IFIH1: variants seen among roughly 807,000 people sequenced by gnomAD.
IFIH1 encodes the protein interferon induced with helicase C domain 1.
In IFIH1, 125 loss-of-function variants were observed where a neutral mutation model predicts 107.4. That is an observed-to-expected ratio of 1.16 (90% confidence interval 1.01 to 1.35). IFIH1 has a LOEUF of 1.35. Among genes scored for constraint, IFIH1 ranks in the 40% most tolerant of loss-of-function variants. The pLI is 0.00. For missense variants in IFIH1, 1,333 were observed against 1,213.7 expected (o/e 1.10, Z -1.46); for synonymous variants, 458 against 413.2 (o/e 1.11, Z -1.31).
chr2:162,289,932 C>T (rs926231081), intron 4 of IFIH1, among the ~76,000 whole-genome samples: 1 of 151,802 alleles, frequency 6.6e-6, no homozygotes, highest in African/African-American at 2.4e-5. Flanking sequence ...TTATGTAAGG[C>T]TCTGATTTAT....
intron 1 of IFIH1, among the ~76,000 whole-genome samples, chr2:162,312,618 G>A (rs1400716997): frequency 7.9e-5 from 12 of 152,152 alleles, no homozygotes; most frequent in East Asian, 1.9e-4. Flanking sequence ...AATTTCAAGT[G>A]AATTCAGTCC....
rs74162086 is a variant in IFIH1, at chr2:162,273,822, G to C, written c.2427C>G (p.Leu809=). ...GGACCATGGCTATTTCATTGGTGAC[G>C]AGACCATAACGGATAACAATGTTAC... The part of the protein sequence containing the change: ...KECNIVIRYG[L]VTNEIAMVQA... Residue 809 remains leucine (L), a synonymous_variant, in exon 12 of 16, where the codon CTC becomes CTG. Coordinates refer to ENST00000649979, the MANE Select transcript of IFIH1 (RefSeq NM_022168.4). 219 of 1,600,090 alleles carry C rather than the reference G, an allele frequency of 1.4e-4. No homozygotes were observed. Among genetic ancestry groups the C allele is most frequent in the Non-Finnish European group, 1.7e-4 (204 of 1,173,680 alleles).
intron 1 of IFIH1, among the ~76,000 whole-genome samples, chr2:162,314,424 CTTTCTTT>C (rs1683443974): frequency 1.6e-5 from 1 of 60,986 alleles, no homozygotes; most frequent in Non-Finnish European, 2.7e-5. Context: ...TCTTTTCTTT[CTTTCTTT>C]CTTTCTTTCT....
chr2:162,304,492 A>C (rs1193392113), intron 3 of IFIH1, among the ~76,000 whole-genome samples: 1 of 152,164 alleles, frequency 6.6e-6, no homozygotes, highest in African/African-American at 2.4e-5. Context: ...GAACCCCCAA[A>C]AAAAGAAAAA....
chr2:162,318,533 G>T lies in IFIH1; in HGVS notation c.-226C>A. 1 of 299,934 alleles carries T rather than the reference G, an allele frequency of 3.3e-6. No homozygotes were observed. Among genetic ancestry groups the T allele is most frequent in the Non-Finnish European group, 6.0e-6 (1 of 165,962 alleles). 18.6% of individuals were successfully genotyped at this position (299,934 alleles called of 1,614,324 possible). ...GCGGGCAGGTGGGCAGCGGGGCGGC[G>T]CGCGGGGCCGCGGCAGGCAGGTGCG... is the stretch of plus-strand genomic sequence containing the variant. On this transcript the variant is annotated 5_prime_UTR_variant, in exon 1 of 16. Transcript: ENST00000649979.
intron 11 of IFIH1, among the ~76,000 whole-genome samples, chr2:162,276,478 A>T (rs938872268): frequency 1.3e-5 from 2 of 152,000 alleles, no homozygotes; most frequent in African/African-American, 4.8e-5. Context: ...GGTGGTGCAC[A>T]CCTAGAGTCC....
At chr2:162,270,001 T>C (rs994314423) in intron 13 of IFIH1, among the ~76,000 whole-genome samples, 2 of 152,136 alleles carry the variant, frequency 1.3e-5, no homozygotes, top group East Asian at 3.8e-4. Context: ...TAGGATCACA[T>C]ACATGTGGGA....
intron 13 of IFIH1, among the ~76,000 whole-genome samples, chr2:162,270,200 C>T (rs999411094): frequency 6.6e-6 from 1 of 152,090 alleles, no homozygotes; most frequent in Non-Finnish European, 1.5e-5. Context: ...TACAATCAGC[C>T]TAAGTCCAAA....
intron 6 of IFIH1, among the ~76,000 whole-genome samples, 162 bp from the exon 7 acceptor site, chr2:162,281,707 C>T (rs1682813657): frequency 6.6e-6 from 1 of 151,966 alleles, no homozygotes; most frequent in South Asian, 2.1e-4. Context: ...ACTATACTAG[C>T]ACCTGTACAC....
intron 11 of IFIH1, among the ~76,000 whole-genome samples, chr2:162,275,864 C>T (rs1409426394): frequency 6.6e-6 from 1 of 152,112 alleles, no homozygotes; most frequent in Non-Finnish European, 1.5e-5. Flanking sequence ...CAAAGTAAAA[C>T]AAAACACCTT....
In IFIH1 at chr2:162,268,266, T is replaced by C. The variant is rs1333198429; in HGVS notation, c.2628A>G (p.Leu876=). ...TCTTTTCCATTATACTTTGCATCTG[T>C]AATTCCAAAATCTGGACAGAGAAAG... ...PEEYAHKILE[L]QMQSIMEKKM... Residue 876 remains leucine, a synonymous_variant, in exon 14 of 16, where the codon TTA becomes TTG. Transcript: ENST00000649979. The C allele has an allele frequency of 1.9e-6, 3 of 1,604,752 alleles. No homozygotes were observed. The highest frequency in any genetic ancestry group is 2.6e-6 in the Non-Finnish European group (3 of 1,173,538).
Position 162,317,912 on chromosome 2 carries a change from T to G in IFIH1, c.396A>C (p.Arg132Ser), listed in dbSNP as rs754290049. ...CCTCCATGCACTTATCCAAGACGTC[T>G]CTAACTAGAAGCTTGTCCACCAGAG... ...QPTLVDKLLV[R>S]DVLDKCMEEE... Residue 132 changes from arginine to serine, a missense_variant, in exon 1 of 16, where the codon AGA (arginine) becomes AGC (serine). Arg to Ser is a moderately radical substitution (Grantham distance 110). Transcript: ENST00000649979. 1.2e-6 allele frequency: 2 copies of G among 1,613,336 alleles called. No individual in the cohort carries two copies. The highest frequency in any genetic ancestry group is 1.7e-6 in the Non-Finnish European group (2 of 1,179,548).
intron 1 of IFIH1, among the ~76,000 whole-genome samples, chr2:162,312,611 T>C (rs2105232050): frequency 6.6e-6 from 1 of 152,322 alleles, no homozygotes. Flanking sequence ...CTCAGTAAAT[T>C]TCAAGTGAAT....
intron 3 of IFIH1, among the ~76,000 whole-genome samples, chr2:162,298,812 T>G (rs751445187): frequency 2.0e-5 from 3 of 149,626 alleles, no homozygotes; most frequent in Admixed American, 6.8e-5. Flanking sequence ...ACACACACAC[T>G]CACATTTTGG....
At chr2:162,284,910 A>G (rs1210832565) in intron 5 of IFIH1, among the ~76,000 whole-genome samples, 1 of 151,990 alleles carries the variant, frequency 6.6e-6, no homozygotes, top group Non-Finnish European at 1.5e-5. Flanking sequence ...AATTCTGCCC[A>G]TAAAAGGTGA....
Position 162,278,219 on chromosome 2 carries a change from T to A in IFIH1, c.1751A>T (p.Gln584Leu), listed in dbSNP as rs1190776499. 25 of 1,604,864 alleles carry A rather than the reference T, an allele frequency of 1.6e-5. No homozygotes were observed. Among genetic ancestry groups the A allele is most frequent in the Non-Finnish European group, 2.1e-5 (25 of 1,177,354 alleles). The change falls in exon 9 of 16, where the codon CAA becomes CTA. Residue 584 changes from glutamine to leucine, a missense_variant. Coordinates refer to ENST00000649979, the MANE Select transcript of IFIH1 (RefSeq NM_022168.4). ...ACCTAAATTACCTTTTTTTTCCATT[T>A]GAATGGCCCATTGTTCATAGGGTTG... ...GTQPYEQWAI[Q>L]MEKKAAKEGN...
intron 8 of IFIH1, 95 bp from the exon 9 acceptor site, chr2:162,278,423 G>T: frequency 1.5e-6 from 1 of 682,380 alleles, no homozygotes; most frequent in Non-Finnish European, 2.3e-6. Context: ...TAATAAATCT[G>T]ATTCATCTTT....
chr2:162,287,771 AT>A (rs1682922139), intron 5 of IFIH1, among the ~76,000 whole-genome samples: 1 of 151,956 alleles, frequency 6.6e-6, no homozygotes, highest in African/African-American at 2.4e-5. Context: ...GGTCATTCAT[AT>A]TCATTTGCAA....
rs761697569 is a variant in IFIH1, at chr2:162,267,485, AC to A, written c.2891del (p.Cys964LeufsTer8). ...CCCACAGCAATTTACTCACCTGGCC[AC>A]ATTTGCAGATGATTTCACCATTTAT... ...YQINGEIICK[C>X]GQAWGTMMVH... On this transcript the variant is annotated frameshift_variant, in exon 15 of 16. Transcript: ENST00000649979. LOFTEE classifies it high-confidence loss of function. 1.2e-6 allele frequency: 2 copies of A among 1,613,674 alleles called. No homozygotes were observed. Among genetic ancestry groups the A allele is most frequent in the African/African-American group, 2.7e-5 (2 of 74,950 alleles).
Sources: allele counts gnomAD v4.1 joint callset (sites outside exome capture counted in the v4.1 genomes callset), GRCh38; gene constraint gnomAD v4.1.1; transcripts MANE v1.5; gene names NCBI Gene and HGNC (gene_info 2026-07-23, HGNC 2026-07-21).